Variants in TRPM3 observed in about 807,000 individuals in gnomAD.
TRPM3 encodes the protein long transient receptor potential channel 3.
A neutral mutation model predicts 181.2 loss-of-function variants in TRPM3; 77 were observed. The ratio of observed to expected loss-of-function variants is 0.42; its 90% CI spans 0.35 to 0.51. TRPM3 has a LOEUF of 0.51. Among genes scored for constraint, TRPM3 ranks in the 20% least tolerant of loss-of-function variants. The pLI, the probability that TRPM3 is intolerant of heterozygous loss-of-function variation, is 0.01. For synonymous variants in TRPM3, 745 were observed against 796.4 expected (o/e 0.94, Z 1.09); for missense variants, 1,759 against 2,196.7 (o/e 0.80, Z 3.98).
chr9:70,571,532 G>C (rs1246375627), intron 22 of TRPM3, among the ~76,000 whole-genome samples: 1 of 152,004 alleles, frequency 6.6e-6, no homozygotes, highest in Non-Finnish European at 1.5e-5. Context: ...TACCAATTAA[G>C]TTAAATGTGA....
At chr9:71,178,187 A>G (rs1437927165) in intron 1 of TRPM3, among the ~76,000 whole-genome samples, 1 of 152,154 alleles carries the variant, frequency 6.6e-6, no homozygotes, top group Non-Finnish European at 1.5e-5. Context: ...CAACAAGACC[A>G]CACTTCAAAG....
At chr9:71,293,159 G>A (rs1276735112) in intron 1 of TRPM3, among the ~76,000 whole-genome samples, 4 of 150,414 alleles carry the variant, frequency 2.7e-5, no homozygotes, top group African/African-American at 4.9e-5. Context: ...CTTGATAAAG[G>A]GTATCTACAA....
upstream of TRPM3, chr9:71,121,737 A>G: frequency 1.8e-6 from 1 of 551,804 alleles, no homozygotes; most frequent in Non-Finnish European, 2.4e-6. Context: ...CGCAAAAGGG[A>G]ACAAAAATGA....
In TRPM3 at chr9:71,028,082, A is replaced by AC. The variant is rs2056809444; in HGVS notation, c.177+93095dup. 2.6e-5 allele frequency among the ~76,000 whole-genome samples: 4 copies of AC among 152,354 alleles called. No individual in the cohort carries two copies. In the South Asian group the frequency reaches 8.3e-4, roughly 32 times the overall value. On this transcript the variant is annotated intron_variant, in intron 1 of 25. Coordinates refer to ENST00000677713, the MANE Select transcript of TRPM3 (RefSeq NM_001366145.2). Reference sequence around the variant, plus strand: ...GCTAGAGAGAAAGAACAGGTCACCTACAAAGGGAAGTCTATTAGACTAGCA... The same window carrying AC: ...GCTAGAGAGAAAGAACAGGTCACCTACCAAAGGGAAGTCTATTAGACTAGCA...
At chr9:70,881,310 G>C (rs905124004) in intron 1 of TRPM3, among the ~76,000 whole-genome samples, 1 of 152,138 alleles carries the variant, frequency 6.6e-6, no homozygotes, top group African/African-American at 2.4e-5. Context: ...ATTCTTGCTT[G>C]ACTTACACCT....
At chr9:70,875,797 C>T (rs768958715) in intron 1 of TRPM3, among the ~76,000 whole-genome samples, 25 of 151,812 alleles carry the variant, frequency 1.6e-4, no homozygotes, top group Non-Finnish European at 3.1e-4. Context: ...ACAAATCAAT[C>T]CCATTTGTGT....
chr9:71,147,471 T>C lies in TRPM3; in HGVS notation c.184-282960A>G, dbSNP rs372724398. ...CACACACACACAGCCAGCTAGGCAATAGAATTTCTACTGGCTAAGAAAAGG... is the reference window on the plus strand; with the variant it reads ...CACACACACACAGCCAGCTAGGCAACAGAATTTCTACTGGCTAAGAAAAGG... On this transcript the variant is annotated intron_variant, in intron 1 of 24. Transcript: ENST00000357533. Among the ~76,000 whole-genome samples, 95 of 124,740 alleles carry C rather than the reference T, an allele frequency of 7.6e-4. No homozygotes were observed. In the South Asian group the frequency reaches 0.024, roughly 32 times the overall value. The allele number at this position is 124,740 out of a possible 152,430, so 81.8% of individuals were successfully genotyped here.
At chr9:70,683,407 TTC>T (rs970412605) in intron 8 of TRPM3, among the ~76,000 whole-genome samples, 62 of 147,478 alleles carry the variant, frequency 4.2e-4, no homozygotes, top group Non-Finnish European at 5.8e-4. Context: ...TTCCTTCCTT[TTC>T]TCTCTTTCTC....
chr9:71,202,146 T>G (rs2078839622), intron 1 of TRPM3, among the ~76,000 whole-genome samples: 1 of 152,142 alleles, frequency 6.6e-6, no homozygotes, highest in South Asian at 2.1e-4. Context: ...GAACAGTGGA[T>G]TTTCATGAAC....
intron 1 of TRPM3, among the ~76,000 whole-genome samples, chr9:71,401,734 T>C (rs1271496349): frequency 6.6e-6 from 1 of 152,198 alleles, no homozygotes; most frequent in African/African-American, 2.4e-5. Context: ...TGGATTTGAA[T>C]AGTGGTAACT....
intron 1 of TRPM3, among the ~76,000 whole-genome samples, chr9:71,299,569 AGGAG>A (rs913769041): frequency 3.5e-4 from 53 of 152,170 alleles, no homozygotes; most frequent in African/African-American, 1.3e-3. Context: ...GAGGGAAGGA[AGGAG>A]GGAAGAGAAA....
intron 3 of TRPM3, among the ~76,000 whole-genome samples, chr9:70,861,138 A>C (rs2095509958): frequency 1.3e-5 from 2 of 152,312 alleles, no homozygotes; most frequent in South Asian, 4.1e-4. Context: ...CTTGTAAAAA[A>C]CAGTAGAAGT....
rs1360584114 is a variant in TRPM3 at position 71,032,048 on chromosome 9, ATT to A, written c.177+89128_177+89129del. On this transcript the variant is annotated intron_variant, in intron 1 of 25. Coordinates refer to ENST00000677713, the MANE Select transcript of TRPM3 (RefSeq NM_001366145.2). Reference sequence around the variant, plus strand: ...ATATAATATAAATATATATATATATATTATATATATTATATATATTATATTAT... The same window carrying A: ...ATATAATATAAATATATATATATATAATATATATTATATATATTATATTAT... 1.9e-3 allele frequency among the ~76,000 whole-genome samples: 7 copies of A among 3,740 alleles called. 1 individual carries two copies. The highest frequency in any genetic ancestry group is 6.5e-3 in the African/African-American group (4 of 616). The allele number at this position is 3,740 out of a possible 152,430, so 2.5% of individuals were successfully genotyped here.
At position 70,536,300 on chromosome 9, in the gene TRPM3, G is replaced by C; in HGVS notation, c.4813C>G (p.Pro1605Ala). ...TCATTCTCCTCACTGTCAGAGCTGGGGTGACTCAGTTCTGCTTCTCGCTCT... is the reference window on the plus strand; with the variant it reads ...TCATTCTCCTCACTGTCAGAGCTGGCGTGACTCAGTTCTGCTTCTCGCTCT... ...HPEREAELSH[P>A]SSDSEENEAK... is the part of the protein sequence containing the mutation. The change falls in exon 26 of 26, where the codon CCC becomes GCC. Residue 1605 changes from proline (P) to alanine (A), a missense_variant. Coordinates refer to ENST00000677713, the MANE Select transcript of TRPM3 (RefSeq NM_001366145.2). The C allele has an allele frequency of 6.2e-7, 1 of 1,614,170 alleles. No homozygotes were observed. Among genetic ancestry groups the C allele is most frequent in the Non-Finnish European group, 8.5e-7 (1 of 1,180,034 alleles).
At chr9:71,364,023 A>G (rs907986281) in intron 1 of TRPM3, among the ~76,000 whole-genome samples, 2 of 152,206 alleles carry the variant, frequency 1.3e-5, no homozygotes, top group African/African-American at 4.8e-5. Context: ...TTTGAAAGCT[A>G]TTTATTAATG....
rs376462505 is a variant in TRPM3 at position 71,210,906 on chromosome 9, G to A, written c.183+235747C>T. Among the ~76,000 whole-genome samples the A allele has an allele frequency of 3.6e-4, 55 of 152,300 alleles. 1 individual carries two copies. In the East Asian group the frequency reaches 8.5e-3, roughly 24 times the overall value. On this transcript the variant is annotated intron_variant, in intron 1 of 24. Transcript: ENST00000357533. ...TTCTCACGTGGCAGAGACAGAGAAC[G>A]TAAGAAGGCATACACTCTGGTGTCT...
chr9:70,880,738 A>T (rs937600155), intron 1 of TRPM3, among the ~76,000 whole-genome samples: 5 of 152,140 alleles, frequency 3.3e-5, no homozygotes, highest in African/African-American at 1.2e-4. Context: ...CCTCATTGAT[A>T]GCTTCCTCAT....
chr9:70,839,894 T>C (rs1041011824), intron 5 of TRPM3, among the ~76,000 whole-genome samples: 1 of 152,170 alleles, frequency 6.6e-6, no homozygotes, highest in East Asian at 1.9e-4. Flanking sequence ...GTTTATTACA[T>C]GTGATTTTTA....
At position 71,197,440 on chromosome 9, in the gene TRPM3, C is replaced by A. The variant is rs560134056; in HGVS notation, c.183+249213G>T. Among the ~76,000 whole-genome samples the A allele has an allele frequency of 2.0e-4, 31 of 151,998 alleles. 1 individual carries two copies. Among genetic ancestry groups the A allele is most frequent in the Admixed American group, 2.0e-3 (31 of 15,256 alleles). On this transcript the variant is annotated intron_variant, in intron 1 of 24. Coordinates refer to the TRPM3 transcript ENST00000357533. ...TTCTAGTTCTAGATCCCTGAGGAAT[C>A]GCCACACTGACTTCCACAAGGGTTG...
Sources: gnomAD v4.1 joint callset for allele counts (sites outside exome capture counted in the v4.1 genomes callset) on GRCh38, gnomAD v4.1.1 for gene constraint, MANE v1.5 for transcripts, NCBI Gene and HGNC (gene_info 2026-07-23, HGNC 2026-07-21) for gene names.